Variants in F5 observed in about 807,000 individuals in gnomAD.
F5 encodes the protein activated protein c cofactor.
Under a neutral mutation model 216.4 loss-of-function variants are expected in F5, and 138 were observed. The observed-to-expected ratio is 0.64, with a 90% confidence interval of 0.56 to 0.73. The LOEUF (loss-of-function observed/expected upper bound fraction) is 0.73, where lower values mean the gene tolerates loss of function less well. Among genes scored for constraint, F5 ranks in the 30% least tolerant of loss-of-function variants. The pLI is 0.00. For synonymous variants in F5, 916 were observed against 930.7 expected, an observed-to-expected ratio of 0.98 and a Z score of 0.29; for missense variants, 2,403 against 2,674.0, an observed-to-expected ratio of 0.90 and a Z score of 2.24.
chr1:169,582,155 A>G (rs887700456), intron 2 of F5, among the ~76,000 whole-genome samples: 3 of 152,236 alleles, frequency 2.0e-5, no homozygotes, highest in African/African-American at 7.2e-5. Flanking sequence ...CTTCATGGGT[A>G]TGTGACCTGG....
intron 5 of F5, among the ~76,000 whole-genome samples, chr1:169,557,743 C>T (rs1660365144): frequency 6.6e-6 from 1 of 151,592 alleles, no homozygotes; most frequent in Admixed American, 6.6e-5. Flanking sequence ...CACACAAAGG[C>T]TTGTTTTTTT....
At chr1:169,526,167 C>A in intron 17 of F5, 150 bp from the exon 18 acceptor site, 1 of 598,372 alleles carries the variant, frequency 1.7e-6, no homozygotes. Context: ...GAAAGTATAA[C>A]AGATAAAAAC....
In F5 at chr1:169,581,187, A is replaced by G. The variant is rs921309631; in HGVS notation, c.250+1244T>C. 7.9e-5 allele frequency among the ~76,000 whole-genome samples: 12 copies of G among 152,146 alleles called. 1 individual carries two copies. Among genetic ancestry groups the G allele is most frequent in the Non-Finnish European group, 1.5e-4 (10 of 68,030 alleles). ...ACCAAGGGGAAGTGGCACTAGAAAA[A>G]ACAGGTAAAGCGAGAGCTTCAGAAA... On this transcript the variant is annotated intron_variant, in intron 2 of 24. Coordinates refer to ENST00000367797, the MANE Select transcript of F5 (RefSeq NM_000130.5).
intron 3 of F5, among the ~76,000 whole-genome samples, chr1:169,561,886 G>T (rs1479686331): frequency 6.6e-6 from 1 of 151,816 alleles, no homozygotes; most frequent in Non-Finnish European, 1.5e-5. Flanking sequence ...AAACTGAAAT[G>T]ATTAATCCTT....
At chr1:169,534,934 GA>G (rs1380544067) in intron 14 of F5, among the ~76,000 whole-genome samples, 1 of 152,130 alleles carries the variant, frequency 6.6e-6, no homozygotes, top group Non-Finnish European at 1.5e-5. Context: ...TGCAGAAACA[GA>G]AAGCCAAATA....
chr1:169,533,162 T>A (rs1354501123), intron 14 of F5, among the ~76,000 whole-genome samples: 1 of 152,100 alleles, frequency 6.6e-6, no homozygotes, highest in East Asian at 1.9e-4. Flanking sequence ...TCATATTTAA[T>A]AAATGGTGCT....
chr1:169,539,623 C>G (rs567390257), intron 13 of F5, among the ~76,000 whole-genome samples: 1 of 152,288 alleles, frequency 6.6e-6, no homozygotes, highest in African/African-American at 2.4e-5. Flanking sequence ...TGTAATTACA[C>G]TTTGGTTTTT....
chr1:169,580,693 T>C (rs1468894278), intron 2 of F5, among the ~76,000 whole-genome samples: 2 of 152,034 alleles, frequency 1.3e-5, no homozygotes, highest in African/African-American at 2.4e-5. Flanking sequence ...TATTTAAAAA[T>C]AAAAGAATAT....
chr1:169,577,054 G>A (rs561422021), intron 2 of F5, among the ~76,000 whole-genome samples: 2 of 152,158 alleles, frequency 1.3e-5, no homozygotes, highest in Admixed American at 6.5e-5. Flanking sequence ...TTTTCAAGCT[G>A]CTCTTTAGCT....
At chr1:169,578,488 G>A (rs942610455) in intron 2 of F5, among the ~76,000 whole-genome samples, 1 of 152,090 alleles carries the variant, frequency 6.6e-6, no homozygotes, top group Non-Finnish European at 1.5e-5. Context: ...CGTCTCTTAT[G>A]GCATTTAGCA....
In F5 at chr1:169,556,837, C is replaced by T. The variant is rs775430046; in HGVS notation, c.761G>A (p.Ser254Asn). 5.6e-6 allele frequency: 9 copies of T among 1,614,030 alleles called. No homozygotes were observed. The East Asian group carries it at 2.0e-4, about 36-fold the overall frequency. Residue 254 changes from serine (S) to asparagine (N), a missense_variant, in exon 6 of 25, where the codon AGC (serine) becomes AAC (asparagine). By Grantham distance (46) the Ser-to-Asn change is conservative. Transcript: ENST00000367797. Reference protein sequence around the residue: ...DITVCAHDHISWHLLGMSSGP... With the variant: ...DITVCAHDHINWHLLGMSSGP... ...CGAGCTCATTCCCAGCAGATGCCAG[C>T]TGATGTGGTCATGGGCACAAACTGT...
At chr1:169,557,476 T>C (rs1660359276) in intron 5 of F5, among the ~76,000 whole-genome samples, 1 of 152,128 alleles carries the variant, frequency 6.6e-6, no homozygotes, top group Admixed American at 6.6e-5. Flanking sequence ...CGAAATCACT[T>C]TGGGGTTACA....
At chr1:169,552,946 T>C (rs1316245396) in intron 7 of F5, among the ~76,000 whole-genome samples, 1 of 152,174 alleles carries the variant, frequency 6.6e-6, no homozygotes, top group Non-Finnish European at 1.5e-5. Context: ...CTGATAAAAG[T>C]CATAGGTAAC....
Position 169,559,157 on chromosome 1 carries a change from C to A in F5, c.726G>T (p.Met242Ile), listed in dbSNP as rs1221444242. ...GGTACACAGCCCTCGTGTTACCTGG[C>A]ATTGTCCCATTCACATATCCATTGA... Reference protein sequence around the residue: ...YTVNGYVNGTMPDITVCAHDH... With the variant: ...YTVNGYVNGTIPDITVCAHDH... Residue 242 changes from methionine (M) to isoleucine (I), a missense_variant, in exon 5 of 25, where the codon ATG (methionine) becomes ATT (isoleucine). Around this residue, in one of 4 missense-constraint regions of F5, gnomAD observed 1,425 missense variants for 1,554.8 expected, o/e 0.92. Transcript: ENST00000367797. 1.2e-6 allele frequency: 2 copies of A among 1,613,766 alleles called. No individual in the cohort carries two copies. Among genetic ancestry groups the A allele is most frequent in the Non-Finnish European group, 1.7e-6 (2 of 1,179,772 alleles).
intron 16 of F5, 115 bp downstream of exon 16, chr1:169,529,493 G>C: frequency 1.0e-6 from 1 of 959,184 alleles, no homozygotes; most frequent in Non-Finnish European, 1.6e-6. Context: ...TTTAGTTGTA[G>C]CTCTGGGTGT....
chr1:169,529,695 C>A lies in F5; in HGVS notation c.5332G>T (p.Glu1778Ter). The A allele has an allele frequency of 6.2e-7, 1 of 1,613,826 alleles. No individual in the cohort carries two copies. Among genetic ancestry groups the A allele is most frequent in the Non-Finnish European group, 8.5e-7 (1 of 1,179,806 alleles). ...TTTTCATAGTACCAGCTCTTCTTTT[C>A]ATCAAAGGTCATAAATAGTAAGACA... ...EFVLLFMTFD[E>*]KKSWYYEKKS... Residue 1778 changes from glutamate (E) to a stop codon, truncating the protein, a stop_gained, in exon 16 of 25, where the codon GAA becomes TAA. Transcript: ENST00000367797. LOFTEE classifies it high-confidence loss of function.
intron 22 of F5, 78 bp downstream of exon 22, chr1:169,520,442 T>C: frequency 6.3e-7 from 1 of 1,576,982 alleles, no homozygotes; most frequent in South Asian, 1.1e-5. Flanking sequence ...GAACTAAAAA[T>C]TCTACTCATT....
chr1:169,570,747 A>G (rs554693958), intron 3 of F5, among the ~76,000 whole-genome samples: 2 of 152,244 alleles, frequency 1.3e-5, no homozygotes, highest in South Asian at 4.1e-4. Context: ...GATAAATACT[A>G]AATTATTTGA....
chr1:169,537,299 T>C (rs920723871), intron 13 of F5, among the ~76,000 whole-genome samples: 4 of 152,172 alleles, frequency 2.6e-5, no homozygotes, highest in Admixed American at 2.6e-4. Context: ...AATGGTCAGA[T>C]TAATTAGAAG....
Sources: allele counts gnomAD v4.1 joint callset (sites outside exome capture counted in the v4.1 genomes callset), GRCh38; gene constraint gnomAD v4.1.1; regional missense constraint gnomAD v4.1.1; transcripts MANE v1.5; gene names NCBI Gene and HGNC (gene_info 2026-07-23, HGNC 2026-07-21).